MGAT4C: variants seen among roughly 807,000 people sequenced by gnomAD.
The protein encoded by MGAT4C is MGAT4 family member C, also known as alpha-1,3-mannosyl-glycoprotein 4-beta-N-acetylglucosaminyltransferase C.
MGAT4C carries 19 observed loss-of-function variants against 40.1 expected under a neutral mutation model. That is an observed-to-expected ratio of 0.47 (90% CI 0.33 to 0.70). MGAT4C has a LOEUF of 0.70. Ranked by LOEUF, MGAT4C falls within the 30% of genes least tolerant of loss-of-function variation. The pLI is 0.02. For missense variants in MGAT4C, 491 were observed against 563.2 expected, an observed-to-expected ratio of 0.87 and a Z score of 1.30; for synonymous variants, 181 against 187.1, an observed-to-expected ratio of 0.97 and a Z score of 0.27.
At chr12:86,709,241 A>T (rs537774101) in intron 2 of MGAT4C, among the ~76,000 whole-genome samples, 2 of 152,158 alleles carry the variant, frequency 1.3e-5, no homozygotes, top group Non-Finnish European at 2.9e-5. Flanking sequence ...GTTGCCATCC[A>T]TGTAAGACGT....
chr12:86,474,578 T>A (rs541228246), intron 2 of MGAT4C, among the ~76,000 whole-genome samples: 1 of 152,196 alleles, frequency 6.6e-6, no homozygotes, highest in African/African-American at 2.4e-5. Flanking sequence ...CTAGAAGTAA[T>A]TAAGTAACTA....
chr12:86,813,148 T>A (rs1952509220), intron 1 of MGAT4C, among the ~76,000 whole-genome samples: 1 of 151,982 alleles, frequency 6.6e-6, no homozygotes, highest in Non-Finnish European at 1.5e-5. Flanking sequence ...GAGTTTATAG[T>A]TGTGCTTAGC....
chr12:86,270,306 C>A (rs1381148719), intron 4 of MGAT4C, among the ~76,000 whole-genome samples: 1 of 152,084 alleles, frequency 6.6e-6, no homozygotes, highest in Non-Finnish European at 1.5e-5. Flanking sequence ...GTCTCGAACT[C>A]CTGACCTCAG....
At chr12:86,195,365 T>G (rs1160888336) in intron 1 of MGAT4C, among the ~76,000 whole-genome samples, 1 of 152,164 alleles carries the variant, frequency 6.6e-6, no homozygotes, top group East Asian at 1.9e-4. Flanking sequence ...TCTTTCTTAT[T>G]GGATTATAGT....
intron 3 of MGAT4C, among the ~76,000 whole-genome samples, chr12:86,389,712 TA>T (rs1473117153): frequency 1.3e-5 from 2 of 152,220 alleles, no homozygotes; most frequent in African/African-American, 4.8e-5. Flanking sequence ...CTACTGGGTG[TA>T]AGTATCAAAT....
At chr12:86,147,396 C>T (rs1027351908) in intron 1 of MGAT4C, among the ~76,000 whole-genome samples, 2 of 152,152 alleles carry the variant, frequency 1.3e-5, no homozygotes, top group South Asian at 2.1e-4. Context: ...CACCCGCCAC[C>T]ACGCCCAGCT....
At chr12:86,047,950 A>AGC (rs200451614) in intron 2 of MGAT4C, among the ~76,000 whole-genome samples, 2 of 57,860 alleles carry the variant, frequency 3.5e-5, no homozygotes, top group African/African-American at 1.7e-4. Flanking sequence ...CAACAGCAAA[A>AGC]ACACACACGG....
chr12:86,799,539 G>A (rs1406653268), intron 1 of MGAT4C, among the ~76,000 whole-genome samples: 1 of 151,752 alleles, frequency 6.6e-6, no homozygotes, highest in Admixed American at 6.6e-5. Flanking sequence ...CATTATTTAT[G>A]ATGCACAAAT....
intron 1 of MGAT4C, among the ~76,000 whole-genome samples, chr12:86,794,236 G>A (rs1226061103): frequency 6.6e-6 from 1 of 151,638 alleles, no homozygotes; most frequent in East Asian, 1.9e-4. Flanking sequence ...GTGACTGTAT[G>A]TTCTTTTTAA....
intron 1 of MGAT4C, among the ~76,000 whole-genome samples, chr12:86,822,126 TATA>T (rs1221222257): frequency 6.6e-6 from 1 of 151,074 alleles, no homozygotes; most frequent in East Asian, 1.9e-4. Context: ...CAGCTTAAAA[TATA>T]ATGTTATAAC....
intron 2 of MGAT4C, among the ~76,000 whole-genome samples, chr12:86,645,622 G>A (rs898424388): frequency 1.3e-5 from 2 of 151,574 alleles, no homozygotes; most frequent in African/African-American, 2.4e-5. Flanking sequence ...AGGTATTCAG[G>A]GCAGTGGAAT....
At chr12:86,020,567 C>T (rs1438354181) in intron 2 of MGAT4C, among the ~76,000 whole-genome samples, 2 of 152,174 alleles carry the variant, frequency 1.3e-5, no homozygotes, top group African/African-American at 2.4e-5. Context: ...CTTCCTTACA[C>T]TTTACACAAA....
intron 4 of MGAT4C, among the ~76,000 whole-genome samples, chr12:86,329,776 G>A (rs942753663): frequency 6.6e-6 from 1 of 152,112 alleles, no homozygotes; most frequent in Admixed American, 6.6e-5. Context: ...ATTTTAAAGT[G>A]TATATTAAAT....
At chr12:86,045,490 C>T (rs1892310767) in intron 2 of MGAT4C, among the ~76,000 whole-genome samples, 1 of 152,164 alleles carries the variant, frequency 6.6e-6, no homozygotes. Context: ...GATATTTCTC[C>T]TCTTAATGGT....
At chr12:86,619,466 C>T (rs887530738) in intron 2 of MGAT4C, among the ~76,000 whole-genome samples, 7 of 152,062 alleles carry the variant, frequency 4.6e-5, no homozygotes, top group Admixed American at 4.6e-4. Flanking sequence ...TTCTCTCCCT[C>T]TTTTCATGGT....
chr12:86,069,812 G>A (rs937301481), intron 1 of MGAT4C, among the ~76,000 whole-genome samples: 5 of 151,632 alleles, frequency 3.3e-5, no homozygotes, highest in South Asian at 2.1e-4. Flanking sequence ...TCTTTTACTC[G>A]GGCAATGTTT....
rs964643932 is a variant in MGAT4C at position 86,797,567 on chromosome 12, C to T, written c.-262+41099G>A. Among the ~76,000 whole-genome samples the T allele has an allele frequency of 1.3e-5, 2 of 152,008 alleles. 1 individual carries two copies. The highest frequency in any genetic ancestry group is 6.8e-3 in the Middle Eastern group (2 of 292). On this transcript the variant is annotated intron_variant, in intron 1 of 7. Transcript: ENST00000548651. ...TATCTGTTTGTAGACCCATTGCAAC[C>T]ATGGAGACCACAGGCAGCTGTTACT... is the stretch of plus-strand genomic sequence containing the variant.
intron 2 of MGAT4C, among the ~76,000 whole-genome samples, chr12:86,030,258 T>C (rs1255231321): frequency 6.6e-6 from 1 of 151,824 alleles, no homozygotes; most frequent in Admixed American, 6.6e-5. Context: ...AAAAAATTTA[T>C]GTGAACAATT....
At chr12:86,475,741 T>C (rs1957824941) in intron 2 of MGAT4C, among the ~76,000 whole-genome samples, 1 of 152,076 alleles carries the variant, frequency 6.6e-6, no homozygotes, top group African/African-American at 2.4e-5. Flanking sequence ...ATATTTTGGG[T>C]ACAGCAACTT....
Sources: gnomAD v4.1 joint callset for allele counts (sites outside exome capture counted in the v4.1 genomes callset) on GRCh38, gnomAD v4.1.1 for gene constraint, MANE v1.5 for transcripts, NCBI Gene and HGNC (gene_info 2026-07-23, HGNC 2026-07-21) for gene names.